Variants in MUC4 observed in about 807,000 individuals in gnomAD.
The protein encoded by MUC4 is mucin 4, cell surface associated.
In MUC4, 202 loss-of-function variants were observed where a neutral mutation model predicts 257.9. The ratio of observed to expected loss-of-function variants is 0.78; its 90% CI spans 0.70 to 0.88. The LOEUF (loss-of-function observed/expected upper bound fraction) is 0.88. MUC4 is among the 40% of genes least tolerant of loss of function. MUC4 has a pLI of 0.00. For synonymous variants in MUC4, 2,351 were observed against 2,757.1 expected (o/e 0.85, Z 4.62); for missense variants, 5,976 against 6,513.7 (o/e 0.92, Z 2.84).
intron 7 of MUC4, among the ~76,000 whole-genome samples, chr3:195,767,868 C>CCACCACCATCACCACCAT (rs1270857713): frequency 7.0e-6 from 1 of 142,262 alleles, no homozygotes; most frequent in Non-Finnish European, 1.5e-5. Flanking sequence ...ACCCCCAACA[C>CCACCACCATCACCACCAT]CACCACCATC....
chr3:195,765,091 G>A lies in MUC4; in HGVS notation c.13830C>T (p.Cys4610=), dbSNP rs1287345850. The change falls in exon 10 of 25, where the codon TGC becomes TGT. Residue 4610 remains cysteine, a synonymous_variant. Coordinates refer to ENST00000463781, the MANE Select transcript of MUC4 (RefSeq NM_018406.7). ...GRWGLGSRQL[C]SFTSWRGGVC... ...CGCCTCCTCGCCAAGAGGTGAAGCT[G>A]CACAGCTGCCTACTGCCGAGGCCCC... 6.2e-7 allele frequency: 1 copy of A among 1,613,556 alleles called. No homozygotes were observed. The highest frequency in any genetic ancestry group is 1.3e-5 in the African/African-American group (1 of 74,932).
At chr3:195,798,544 A>G (rs1402487778) in intron 1 of MUC4, among the ~76,000 whole-genome samples, 1 of 152,050 alleles carries the variant, frequency 6.6e-6, no homozygotes, top group African/African-American at 2.4e-5. Flanking sequence ...TCTACTAAAA[A>G]TACAAAAAAA....
intron 24 of MUC4, among the ~76,000 whole-genome samples, chr3:195,747,686 G>GA (rs1715336821): frequency 6.6e-6 from 1 of 152,260 alleles, no homozygotes; most frequent in South Asian, 2.1e-4. Flanking sequence ...CCAACACGGT[G>GA]AAACCCCATC....
chr3:195,758,348 G>C lies in MUC4; in HGVS notation c.14986+776C>G, dbSNP rs148693350. On this transcript the variant is annotated intron_variant, in intron 17 of 24. Coordinates refer to ENST00000463781, the MANE Select transcript of MUC4 (RefSeq NM_018406.7). ...ACCAGACAAGGAGAGACACGGCTAGGTAAACATGGTTGCCAGACAAAAAGA... is the reference window on the plus strand; with the variant it reads ...ACCAGACAAGGAGAGACACGGCTAGCTAAACATGGTTGCCAGACAAAAAGA... 2.8e-3 allele frequency among the ~76,000 whole-genome samples: 432 copies of C among 152,188 alleles called. 1 individual carries two copies. Among genetic ancestry groups the C allele is most frequent in the African/African-American group, 9.3e-3 (388 of 41,510 alleles).
At position 195,787,718 on chromosome 3, in the gene MUC4, A is replaced by T; in HGVS notation, c.3862T>A (p.Ser1288Thr). 2 of 571,016 alleles carry T rather than the reference A, an allele frequency of 3.5e-6. No homozygotes were observed. Among genetic ancestry groups the T allele is most frequent in the Non-Finnish European group, 5.4e-6 (2 of 372,646 alleles). The allele number at this position is 571,016 out of a possible 1,614,324, so 35.4% of individuals were successfully genotyped here. A position where few individuals can be genotyped will look rare whatever the true frequency, so the allele number is the denominator to read the frequency against. The change falls in exon 2 of 25, where the codon TCA (serine) becomes ACA (threonine). Residue 1288 changes from serine to threonine, a missense_variant. Transcript: ENST00000463781. ...GGAGTGACGTGACCTGTGGATGCTG[A>T]GGAAGTGCTAGTGACAGGAAGAGGC... is the stretch of plus-strand genomic sequence containing the variant. ...TTPLPVTSTS[S>T]ASTGHVTPLH...
chr3:195,756,243 G>C (rs1717623039), intron 18 of MUC4, among the ~76,000 whole-genome samples: 1 of 152,204 alleles, frequency 6.6e-6, no homozygotes, highest in African/African-American at 2.4e-5. Context: ...TCCTGTGTCT[G>C]AGCAAGGCAC....
intron 4 of MUC4, among the ~76,000 whole-genome samples, chr3:195,773,296 G>C (rs1246975222): frequency 6.9e-6 from 1 of 144,818 alleles, no homozygotes; most frequent in African/African-American, 2.6e-5. Context: ...CATCACTTAG[G>C]GGGTGGAAAC....
At chr3:195,767,585 T>C (rs865933565) in intron 7 of MUC4, among the ~76,000 whole-genome samples, 76 of 58,684 alleles carry the variant, frequency 1.3e-3, no homozygotes, top group African/African-American at 3.3e-3. Flanking sequence ...ACCACCACCA[T>C]CACCACCACC....
intron 10 of MUC4, among the ~76,000 whole-genome samples, chr3:195,764,737 G>A (rs1262805162): frequency 1.3e-5 from 2 of 152,104 alleles, no homozygotes; most frequent in Non-Finnish European, 2.9e-5. Context: ...CAGCCTAGGC[G>A]CTCTCTTCTT....
chr3:195,771,652 C>G lies in MUC4; in HGVS notation c.13242G>C (p.Gln4414His), dbSNP rs775298251. 11 of 1,612,512 alleles carry G rather than the reference C, an allele frequency of 6.8e-6. No homozygotes were observed. The highest frequency in any genetic ancestry group is 9.3e-6 in the Non-Finnish European group (11 of 1,178,908). ...FSTGRGTTFY[Q>H]EYETFYGEHS... ...GACTGCCAGGCTTTGAAAGGCTCAC[C>G]TGATAAAATGTGGTCCCCCGACCAG... The change falls in exon 5 of 25, where the codon CAG (glutamine) becomes CAC (histidine). Residue 4414 changes from glutamine (Q) to histidine (H), a missense_variant and splice_region_variant. Gln to His is a conservative substitution (Grantham distance 24). Around this residue, in one of 44 missense-constraint regions of MUC4, gnomAD observed 996 missense variants for 1,137.3 expected, o/e 0.88. Transcript: ENST00000463781.
chr3:195,778,660 T>A (rs1207784670), intron 2 of MUC4, 130 bp downstream of exon 2: 2 of 1,282,606 alleles, frequency 1.6e-6, no homozygotes, highest in East Asian at 2.5e-5. Context: ...ACCCATCACC[T>A]CCTCCCCTGT....
chr3:195,761,121 T>C lies in MUC4; in HGVS notation c.14615-4A>G, dbSNP rs1263945727. Reference sequence around the variant, plus strand: ...AGGCCTGTCCCGTTGATCTGCCCTGTAACACACAGAGCGCGGTGGTACCAG... The same window carrying C: ...AGGCCTGTCCCGTTGATCTGCCCTGCAACACACAGAGCGCGGTGGTACCAG... On this transcript the variant is annotated splice_polypyrimidine_tract_variant and splice_region_variant and intron_variant, in intron 15 of 24. Coordinates refer to ENST00000463781, the MANE Select transcript of MUC4 (RefSeq NM_018406.7). 2 of 1,613,542 alleles carry C rather than the reference T, an allele frequency of 1.2e-6. No individual in the cohort carries two copies. The highest frequency in any genetic ancestry group is 1.7e-6 in the Non-Finnish European group (2 of 1,179,460).
intron 1 of MUC4, 107 bp downstream of exon 1, chr3:195,811,629 A>G: frequency 3.4e-6 from 3 of 875,700 alleles, no homozygotes; most frequent in East Asian, 2.7e-5. Flanking sequence ...CCTTTCCCCT[A>G]TTCTCTCTCT....
intron 7 of MUC4, among the ~76,000 whole-genome samples, chr3:195,767,107 G>C (rs1720679114): frequency 6.6e-6 from 1 of 152,104 alleles, no homozygotes; most frequent in Admixed American, 6.5e-5. Flanking sequence ...AGACTCTAGG[G>C]ACAGTGTATT....
At chr3:195,749,115 TC>T (rs1333246959) in intron 23 of MUC4, 51 bp from the exon 24 acceptor site, 2 of 1,590,918 alleles carry the variant, frequency 1.3e-6, no homozygotes, top group Admixed American at 3.5e-5. Flanking sequence ...GAACACTAAA[TC>T]AGTACCTTTT....
Position 195,780,485 on chromosome 3 carries a change from C to T in MUC4, c.11095G>A (p.Val3699Ile), listed in dbSNP as rs1727084477. The change falls in exon 2 of 25, where the codon GTC (valine) becomes ATC (isoleucine). Residue 3699 changes from valine to isoleucine, a missense_variant. This residue lies in a region of MUC4 where 330 missense variants were observed against 262.0 expected (regional missense o/e 1.26). Transcript: ENST00000463781. ...GAGGATGATGAGGAAGGGATGGTGA[C>T]AGGAAGAGGGGTGGCCTGACCTGTG... ...ASTGQATPLP[V>I]TIPSSSSSGH... The T allele has an allele frequency of 1.3e-6, 2 of 1,527,972 alleles. No individual in the cohort carries two copies. The highest frequency in any genetic ancestry group is 1.8e-6 in the Non-Finnish European group (2 of 1,141,298). The allele number at this position is 1,527,972 out of a possible 1,614,324, so 94.7% of individuals were successfully genotyped here.
Position 195,748,931 on chromosome 3 carries a change from G to A in MUC4, c.16005C>T (p.Cys5335=), listed in dbSNP as rs201333491. Residue 5335 remains cysteine (C), a synonymous_variant, in exon 24 of 25, where the codon TGC becomes TGT. Coordinates refer to ENST00000463781, the MANE Select transcript of MUC4 (RefSeq NM_018406.7). ...SRGYCDHGGQ[C]QHLPSGPRCS... ...AGCGGGGCCCACTGGGCAGGTGCTG[G>A]CACTGGCCTCCATGGTCACAGTAGC... 1.3e-6 allele frequency: 2 copies of A among 1,595,952 alleles called. No homozygotes were observed. Among genetic ancestry groups the A allele is most frequent in the East Asian group, 2.3e-5 (1 of 44,046 alleles).
chr3:195,802,419 G>T (rs1199726386), intron 1 of MUC4, among the ~76,000 whole-genome samples: 1 of 37,208 alleles, frequency 2.7e-5, no homozygotes, highest in African/African-American at 7.5e-5. Context: ...ACCCCTGTGG[G>T]TTGATCCTCA....
intron 1 of MUC4, among the ~76,000 whole-genome samples, chr3:195,811,098 C>A (rs1177511909): frequency 1.3e-5 from 2 of 151,540 alleles, no homozygotes; most frequent in Admixed American, 1.3e-4. Flanking sequence ...CCAGTTCATG[C>A]CTCCTCTTCC....
Sources: gnomAD v4.1 joint callset for allele counts (sites outside exome capture counted in the v4.1 genomes callset) on GRCh38, gnomAD v4.1.1 for gene constraint, gnomAD v4.1.1 regional missense constraint, MANE v1.5 for transcripts, NCBI Gene and HGNC (gene_info 2026-07-23, HGNC 2026-07-21) for gene names.